The following FGF14 variants were observed in gnomAD, a reference collection of about 807,000 sequenced individuals.
FGF14 encodes the protein fibroblast growth factor homologous factor 4.
FGF14 carries 5 observed loss-of-function variants against 25.5 expected under a neutral mutation model. That is an observed-to-expected ratio of 0.20 (90% CI 0.10 to 0.41). FGF14 has a LOEUF of 0.41. Ranked by LOEUF, FGF14 falls within the 10% of genes least tolerant of loss-of-function variation. FGF14 has a pLI of 1.00. For missense variants in FGF14, 222 were observed against 320.1 expected, an observed-to-expected ratio of 0.69 and a Z score of 2.34; for synonymous variants, 138 against 118.3, an observed-to-expected ratio of 1.17 and a Z score of -1.08.
intron 1 of FGF14, among the ~76,000 whole-genome samples, chr13:102,127,714 G>A (rs1594064889): frequency 1.3e-5 from 2 of 152,316 alleles, no homozygotes; most frequent in East Asian, 3.9e-4. Context: ...TTCTAGGAAA[G>A]GCAAAATGGG....
intron 1 of FGF14, among the ~76,000 whole-genome samples, chr13:102,178,708 A>G (rs1337124267): frequency 1.3e-5 from 2 of 152,144 alleles, no homozygotes; most frequent in Non-Finnish European, 2.9e-5. Context: ...TGTTGCTGCA[A>G]AAGCCATGAT....
chr13:102,001,797 A>T (rs921081236), intron 1 of FGF14, among the ~76,000 whole-genome samples: 2 of 152,196 alleles, frequency 1.3e-5, no homozygotes, highest in African/African-American at 4.8e-5. Flanking sequence ...AGAATAAAGA[A>T]TAAAGAGAAG....
At chr13:101,812,058 C>T (rs1408302210) in intron 3 of FGF14, among the ~76,000 whole-genome samples, 1 of 152,082 alleles carries the variant, frequency 6.6e-6, no homozygotes, top group Non-Finnish European at 1.5e-5. Flanking sequence ...AGATTTATCA[C>T]TGAACAGTTA....
At chr13:102,196,398 C>CA (rs549068476) in intron 1 of FGF14, among the ~76,000 whole-genome samples, 81 of 151,890 alleles carry the variant, frequency 5.3e-4, no homozygotes, top group African/African-American at 1.9e-3. Context: ...TGGATTCAAG[C>CA]AAAAAAGCCT....
intron 3 of FGF14, among the ~76,000 whole-genome samples, chr13:101,769,522 C>A (rs2038625011): frequency 6.6e-6 from 1 of 152,130 alleles, no homozygotes; most frequent in South Asian, 2.1e-4. Context: ...ATGGCAGCTG[C>A]ATTCATAATT....
chr13:101,800,351 A>G (rs1035876944), intron 3 of FGF14, among the ~76,000 whole-genome samples: 1 of 152,220 alleles, frequency 6.6e-6, no homozygotes, highest in African/African-American at 2.4e-5. Flanking sequence ...TCTATTCTTC[A>G]AATTTAACTG....
intron 1 of FGF14, among the ~76,000 whole-genome samples, chr13:102,254,596 C>T (rs539580925): frequency 1.3e-5 from 2 of 152,264 alleles, no homozygotes; most frequent in African/African-American, 2.4e-5. Context: ...ACGTGGTCCT[C>T]GTCGTTGGTA....
intron 3 of FGF14, among the ~76,000 whole-genome samples, chr13:101,756,947 T>C (rs192903449): frequency 2.0e-5 from 3 of 152,328 alleles, no homozygotes; most frequent in African/African-American, 2.4e-5. Context: ...ATTCATAGTG[T>C]TGCAAATTTT....
intron 1 of FGF14, among the ~76,000 whole-genome samples, chr13:101,981,128 C>CACAA (rs1260952239): frequency 8.3e-5 from 12 of 143,856 alleles, no homozygotes; most frequent in African/African-American, 2.8e-4. Flanking sequence ...CACACACACA[C>CACAA]AATTAGCCAG....
At chr13:101,808,486 A>C (rs570453414) in intron 3 of FGF14, among the ~76,000 whole-genome samples, 284 of 152,276 alleles carry the variant, frequency 1.9e-3, no homozygotes, top group Non-Finnish European at 3.3e-3. Flanking sequence ...TAAAAATTAC[A>C]ATAGTGAATT....
At chr13:102,014,035 T>C (rs559452509) in intron 1 of FGF14, among the ~76,000 whole-genome samples, 98 of 152,236 alleles carry the variant, frequency 6.4e-4, no homozygotes, top group African/African-American at 2.3e-3. Flanking sequence ...TAAAAATCTA[T>C]AAAAGTATCA....
chr13:102,356,362 T>G (rs2057418014), intron 1 of FGF14, among the ~76,000 whole-genome samples: 1 of 152,166 alleles, frequency 6.6e-6, no homozygotes, highest in African/African-American at 2.4e-5. Context: ...CTGAAGCAAT[T>G]AGACATAAAT....
chr13:101,782,130 G>A (rs751293908), intron 3 of FGF14, among the ~76,000 whole-genome samples: 32 of 151,756 alleles, frequency 2.1e-4, no homozygotes, highest in African/African-American at 4.6e-4. Flanking sequence ...AGTTTTTTTC[G>A]TTATGTCCTC....
chr13:102,334,691 C>T (rs919527240), intron 1 of FGF14, among the ~76,000 whole-genome samples: 5 of 152,184 alleles, frequency 3.3e-5, no homozygotes, highest in Non-Finnish European at 5.9e-5. Context: ...GTTATATGCA[C>T]AGTATTTATG....
intron 1 of FGF14, among the ~76,000 whole-genome samples, chr13:102,384,077 T>C (rs888038192): frequency 6.6e-5 from 10 of 152,220 alleles, no homozygotes; most frequent in Non-Finnish European, 1.5e-5. Flanking sequence ...AATGTTTGTT[T>C]TTTCTATAAT....
At chr13:101,887,508 A>T (rs2046055183) in intron 1 of FGF14, among the ~76,000 whole-genome samples, 2 of 152,082 alleles carry the variant, frequency 1.3e-5, no homozygotes, top group Non-Finnish European at 2.9e-5. Flanking sequence ...AGAAAGACAG[A>T]TATCTCATAT....
At chr13:101,950,840 A>G (rs978245327) in intron 1 of FGF14, among the ~76,000 whole-genome samples, 46 of 147,452 alleles carry the variant, frequency 3.1e-4, no homozygotes, top group Non-Finnish European at 4.4e-4. Flanking sequence ...ATGGTAGTTC[A>G]AGTGGTCAAA....
intron 3 of FGF14, among the ~76,000 whole-genome samples, chr13:101,804,455 G>T (rs977640027): frequency 5.9e-5 from 9 of 152,228 alleles, no homozygotes; most frequent in African/African-American, 2.2e-4. Context: ...CAAGAAGATA[G>T]TCCCCCACAC....
chr13:101,808,733 C>A (rs2041337651), intron 3 of FGF14, among the ~76,000 whole-genome samples: 1 of 151,864 alleles, frequency 6.6e-6, no homozygotes, highest in African/African-American at 2.4e-5. Flanking sequence ...TAACCTATTA[C>A]TTCAGACATT....
Sources: allele counts gnomAD v4.1 joint callset (sites outside exome capture counted in the v4.1 genomes callset), GRCh38; gene constraint gnomAD v4.1.1; transcripts MANE v1.5; gene names NCBI Gene and HGNC (gene_info 2026-07-23, HGNC 2026-07-21).